SLC7A1: variants seen among roughly 807,000 people sequenced by gnomAD.
SLC7A1 encodes high affinity cationic amino acid transporter 1.
In SLC7A1, 10 loss-of-function variants were observed where a neutral mutation model predicts 53.9. The ratio of observed to expected loss-of-function variants is 0.19; its 90% confidence interval spans 0.11 to 0.31. The LOEUF is 0.31. Ranked by LOEUF, SLC7A1 falls within the 10% of genes least tolerant of loss-of-function variation. The pLI, the probability that SLC7A1 is intolerant of heterozygous loss-of-function variation, is 1.00. For synonymous variants in SLC7A1, 342 were observed against 338.7 expected (o/e 1.01, Z -0.11); for missense variants, 525 against 827.2 (o/e 0.63, Z 4.48).
At chr13:29,572,725 G>A (rs2139169900) in intron 1 of SLC7A1, among the ~76,000 whole-genome samples, 1 of 152,320 alleles carries the variant, frequency 6.6e-6, no homozygotes, top group South Asian at 2.1e-4. Context: ...AAAGTGATCA[G>A]AAGCTCATAA....
chr13:29,574,643 C>CTTTT (rs60597221), intron 1 of SLC7A1, among the ~76,000 whole-genome samples: 15 of 121,906 alleles, frequency 1.2e-4, no homozygotes, highest in Admixed American at 1.8e-4. Context: ...GCAGCTAATG[C>CTTTT]TTTTTTTTTT....
chr13:29,550,429 C>T (rs1417243116), intron 2 of SLC7A1, among the ~76,000 whole-genome samples: 1 of 152,236 alleles, frequency 6.6e-6, no homozygotes, highest in Non-Finnish European at 1.5e-5. Context: ...CTCCCCCTTT[C>T]AAGGATTAAG....
intron 3 of SLC7A1, among the ~76,000 whole-genome samples, chr13:29,533,337 A>T (rs1009067107): frequency 6.6e-6 from 1 of 152,256 alleles, no homozygotes; most frequent in African/African-American, 2.4e-5. Flanking sequence ...TTCATTAAAA[A>T]AAGTAAACAT....
At chr13:29,514,667 C>T in intron 12 of SLC7A1, 84 bp from the exon 13 acceptor site, 1 of 1,037,718 alleles carries the variant, frequency 9.6e-7, no homozygotes, top group Non-Finnish European at 1.4e-6. Flanking sequence ...GGCGGTCCCA[C>T]AGCAAACCCT....
At chr13:29,577,014 C>T (rs1010163109) in intron 1 of SLC7A1, among the ~76,000 whole-genome samples, 2 of 152,184 alleles carry the variant, frequency 1.3e-5, no homozygotes, top group Non-Finnish European at 2.9e-5. Flanking sequence ...TTTTTTTAAT[C>T]ACCTAAATTT....
intron 5 of SLC7A1, among the ~76,000 whole-genome samples, chr13:29,525,114 C>T (rs889052328): frequency 6.6e-5 from 10 of 152,210 alleles, no homozygotes; most frequent in African/African-American, 1.7e-4. Flanking sequence ...TCAGTGCAGG[C>T]GGCTTCCCTG....
Position 29,517,574 on chromosome 13 carries a change from T to A in SLC7A1, c.1509A>T (p.Ile503=). 2 of 1,611,800 alleles carry A rather than the reference T, an allele frequency of 1.2e-6. No individual in the cohort carries two copies. Among genetic ancestry groups the A allele is most frequent in the Non-Finnish European group, 1.7e-6 (2 of 1,177,812 alleles). Residue 503 remains isoleucine (I), a splice_region_variant and synonymous_variant, in exon 10 of 13, where the codon ATA becomes ATT. Coordinates refer to ENST00000380752, the MANE Select transcript of SLC7A1 (RefSeq NM_003045.5). ...CCCCAGGGAAGGGCTAGCTCTTACCTATGAGGCTGGTTGAAATGTTCACAA... is the reference window on the plus strand; with the variant it reads ...CCCCAGGGAAGGGCTAGCTCTTACCAATGAGGCTGGTTGAAATGTTCACAA... ...GLIVNISTSL[I]AVLIITFCIV...
chr13:29,576,732 A>AT (rs1367492097), intron 1 of SLC7A1, among the ~76,000 whole-genome samples: 3 of 152,104 alleles, frequency 2.0e-5, no homozygotes, highest in Non-Finnish European at 2.9e-5. Flanking sequence ...GAAAAAAAAA[A>AT]GGAAACTGGT....
At chr13:29,590,130 A>T (rs2139195062) in intron 1 of SLC7A1, among the ~76,000 whole-genome samples, 1 of 152,224 alleles carries the variant, frequency 6.6e-6, no homozygotes, top group South Asian at 2.1e-4. Context: ...TGTGGGGAGG[A>T]TGAGCCCCTG....
chr13:29,560,004 T>C (rs962602299), intron 1 of SLC7A1, among the ~76,000 whole-genome samples: 4 of 151,896 alleles, frequency 2.6e-5, no homozygotes, highest in African/African-American at 4.9e-5. Flanking sequence ...CGTGAGCCAT[T>C]GCACCCGGAC....
At chr13:29,587,686 T>G (rs1456640825) in intron 1 of SLC7A1, among the ~76,000 whole-genome samples, 1 of 152,184 alleles carries the variant, frequency 6.6e-6, no homozygotes, top group African/African-American at 2.4e-5. Flanking sequence ...TGGATATTTA[T>G]TAACGATCTC....
At chr13:29,560,157 C>CT (rs1319482321) in intron 1 of SLC7A1, among the ~76,000 whole-genome samples, 2 of 151,348 alleles carry the variant, frequency 1.3e-5, no homozygotes, top group Admixed American at 6.6e-5. Context: ...ACTTTTTCAA[C>CT]TTTTTTCTTA....
intron 1 of SLC7A1, among the ~76,000 whole-genome samples, chr13:29,581,631 AGGTCTTACGGGCAAG>A (rs1292125950): frequency 1.3e-5 from 2 of 152,250 alleles, no homozygotes; most frequent in Non-Finnish European, 2.9e-5. Flanking sequence ...TTCTGGTTTA[AGGTCTTACGGGCAAG>A]GGTCCCTGGA....
intron 12 of SLC7A1, 46 bp downstream of exon 12, chr13:29,516,092 C>T: frequency 8.2e-7 from 1 of 1,218,126 alleles, no homozygotes; most frequent in Non-Finnish European, 1.2e-6. Context: ...GGGAGACCCC[C>T]AGGGGAAGCC....
chr13:29,566,843 C>T (rs958736898), intron 1 of SLC7A1, among the ~76,000 whole-genome samples: 1 of 152,172 alleles, frequency 6.6e-6, no homozygotes, highest in African/African-American at 2.4e-5. Context: ...TCCCACTAAC[C>T]ATGACAGGCA....
At chr13:29,524,004 A>G (rs1321169091) in intron 6 of SLC7A1, 128 bp downstream of exon 6, 4 of 877,736 alleles carry the variant, frequency 4.6e-6, no homozygotes, top group Admixed American at 2.5e-5. Flanking sequence ...GGAAGCTACA[A>G]ATCTACATGT....
intron 1 of SLC7A1, among the ~76,000 whole-genome samples, chr13:29,563,566 G>A (rs1870850119): frequency 6.6e-6 from 1 of 152,202 alleles, no homozygotes; most frequent in South Asian, 2.1e-4. Context: ...AAAAGACGTA[G>A]GAGACGAAGA....
intron 5 of SLC7A1, among the ~76,000 whole-genome samples, chr13:29,526,761 G>A (rs1263253760): frequency 6.6e-6 from 1 of 152,194 alleles, no homozygotes; most frequent in Non-Finnish European, 1.5e-5. Context: ...AAGGAAGCAA[G>A]GGCGATGGGT....
At chr13:29,593,395 G>T (rs1872185859) in intron 1 of SLC7A1, among the ~76,000 whole-genome samples, 1 of 152,182 alleles carries the variant, frequency 6.6e-6, no homozygotes, top group Non-Finnish European at 1.5e-5. Context: ...CCAAGAGGCA[G>T]GTGGAGTGAT....
Sources: allele counts gnomAD v4.1 joint callset (sites outside exome capture counted in the v4.1 genomes callset), GRCh38; gene constraint gnomAD v4.1.1; transcripts MANE v1.5; gene names NCBI Gene and HGNC (gene_info 2026-07-23, HGNC 2026-07-21).